GRM8: variants seen among roughly 807,000 people sequenced by gnomAD.
The protein encoded by GRM8 is metabotropic glutamate receptor 8.
In GRM8, 47 loss-of-function variants were observed where a neutral mutation model predicts 87.2. The ratio of observed to expected loss-of-function variants is 0.54; its 90% CI spans 0.43 to 0.69. The LOEUF is 0.69. GRM8 is among the 30% of genes least tolerant of loss of function. The probability of loss-of-function intolerance (pLI) is 0.00; values close to 1 mark genes in which losing one functional copy is unlikely to be tolerated. For missense variants in GRM8, 1,019 were observed against 1,139.2 expected, an observed-to-expected ratio of 0.89 and a Z score of 1.52; for synonymous variants, 396 against 404.5, an observed-to-expected ratio of 0.98 and a Z score of 0.25.
chr7:127,045,601 G>A lies in GRM8; in HGVS notation c.727+60895C>T, dbSNP rs373494415. On this transcript the variant is annotated intron_variant, in intron 3 of 10. Transcript: ENST00000339582. The stretch of plus-strand genomic sequence containing the variant: ...TCTTCAATTTATTTTTTTAAATGGT[G>A]TAGAGACTTAATTATATTTTCATCA... Among the ~76,000 whole-genome samples, 4 of 151,908 alleles carry A rather than the reference G, an allele frequency of 2.6e-5. 1 individual carries two copies. Among genetic ancestry groups the A allele is most frequent in the Admixed American group, 6.6e-5 (1 of 15,266 alleles).
chr7:126,584,366 A>T (rs1271286757), intron 8 of GRM8, among the ~76,000 whole-genome samples: 4 of 152,128 alleles, frequency 2.6e-5, no homozygotes, highest in Non-Finnish European at 4.4e-5. Flanking sequence ...CTAGAATTAC[A>T]GGCACACGCC....
chr7:126,688,609 G>A lies in GRM8; in HGVS notation c.1358-79111C>T, dbSNP rs190714004. On this transcript the variant is annotated intron_variant, in intron 7 of 10. Transcript: ENST00000339582. The stretch of plus-strand genomic sequence containing the variant: ...ATGAGAGTGAGTTTAGGAAGTTGCA[G>A]ATAGAAGGCAAAAAATACCAGAAGT... 1.3e-3 allele frequency among the ~76,000 whole-genome samples: 196 copies of A among 152,248 alleles called. 1 individual carries two copies. The highest frequency in any genetic ancestry group is 4.5e-3 in the African/African-American group (189 of 41,542).
chr7:127,159,023 C>G (rs938274229), intron 2 of GRM8, among the ~76,000 whole-genome samples: 3 of 152,142 alleles, frequency 2.0e-5, no homozygotes, highest in Non-Finnish European at 2.9e-5. Flanking sequence ...CAGGAGAAAG[C>G]CTGTATGGAA....
Position 126,817,301 on chromosome 7 carries a change from T to C in GRM8, c.1157-47236A>G, listed in dbSNP as rs540753950. ...GGTGAATATTCCTTATATCTTATAATTTCTTGCTATTTTAATATCTAAACA... is the reference window on the plus strand; with the variant it reads ...GGTGAATATTCCTTATATCTTATAACTTCTTGCTATTTTAATATCTAAACA... On this transcript the variant is annotated intron_variant, in intron 6 of 10. Transcript: ENST00000339582. 1.4e-4 allele frequency among the ~76,000 whole-genome samples: 22 copies of C among 152,276 alleles called. 1 individual carries two copies. The highest frequency in any genetic ancestry group is 6.8e-3 in the Middle Eastern group (2 of 294).
intron 6 of GRM8, among the ~76,000 whole-genome samples, chr7:126,885,059 A>G (rs1268197846): frequency 6.6e-6 from 1 of 152,200 alleles, no homozygotes; most frequent in African/African-American, 2.4e-5. Context: ...ATACCTCTGC[A>G]TCCAAAGCAG....
intron 9 of GRM8, among the ~76,000 whole-genome samples, chr7:126,460,129 A>G (rs1803726402): frequency 6.6e-6 from 1 of 151,596 alleles, no homozygotes; most frequent in Non-Finnish European, 1.5e-5. Context: ...GAAAATTCTC[A>G]GACATGACAT....
intron 3 of GRM8, among the ~76,000 whole-genome samples, chr7:127,011,601 GTT>G (rs1814905791): frequency 2.0e-5 from 3 of 152,080 alleles, no homozygotes; most frequent in Non-Finnish European, 4.4e-5. Context: ...AATAGTTGTA[GTT>G]TTTTAAAATA....
At chr7:127,073,371 C>A (rs1821925653) in intron 3 of GRM8, among the ~76,000 whole-genome samples, 1 of 152,114 alleles carries the variant, frequency 6.6e-6, no homozygotes, top group African/African-American at 2.4e-5. Context: ...ATCAGTGAAA[C>A]CCTGAAGATG....
chr7:126,774,541 C>G (rs1819206844), intron 6 of GRM8, among the ~76,000 whole-genome samples: 2 of 152,104 alleles, frequency 1.3e-5, no homozygotes, highest in South Asian at 4.1e-4. Context: ...GAGAGGAAGT[C>G]AGCCTCCTAA....
chr7:126,709,469 G>C (rs570441373), intron 7 of GRM8, among the ~76,000 whole-genome samples: 2 of 151,334 alleles, frequency 1.3e-5, no homozygotes, highest in African/African-American at 2.4e-5. Context: ...GGACGAAAAA[G>C]AGGAAGAGGA....
intron 7 of GRM8, among the ~76,000 whole-genome samples, chr7:126,690,314 A>G (rs2151367633): frequency 6.6e-6 from 1 of 152,330 alleles, no homozygotes; most frequent in African/African-American, 2.4e-5. Context: ...TGAGCAAGCA[A>G]GCGTGGGATC....
At chr7:127,103,255 T>C (rs1825492721) in intron 3 of GRM8, among the ~76,000 whole-genome samples, 1 of 152,152 alleles carries the variant, frequency 6.6e-6, no homozygotes, top group Admixed American at 6.5e-5. Context: ...TGGATATTTA[T>C]CCCCACCCAA....
intron 3 of GRM8, among the ~76,000 whole-genome samples, chr7:126,975,368 C>T (rs3808136): frequency 0.33 from 49,713 of 152,042 alleles, 8,135 homozygotes; most frequent in Non-Finnish European, 0.35. Context: ...GGAGACAAAA[C>T]ATGATTTACA....
intron 9 of GRM8, among the ~76,000 whole-genome samples, chr7:126,497,293 T>C (rs142407506): frequency 1.3e-5 from 2 of 152,112 alleles, no homozygotes; most frequent in African/African-American, 4.8e-5. Context: ...ATTAATTTTC[T>C]TAAAAGCCTT....
At chr7:126,819,275 T>TACACACACACACAC (rs3038867) in intron 6 of GRM8, among the ~76,000 whole-genome samples, 4,240 of 148,202 alleles carry the variant, frequency 0.029, 74 homozygotes, top group South Asian at 0.036. Flanking sequence ...CAGACACACA[T>TACACACACACACAC]ACACACACAC....
At chr7:127,245,062 C>T (rs1798513493) in intron 1 of GRM8, among the ~76,000 whole-genome samples, 1 of 152,190 alleles carries the variant, frequency 6.6e-6, no homozygotes, top group South Asian at 2.1e-4. Flanking sequence ...GCTGCTTTTC[C>T]CTCAGAAAAT....
intron 3 of GRM8, among the ~76,000 whole-genome samples, chr7:126,950,787 C>G (rs940892017): frequency 6.6e-6 from 1 of 152,018 alleles, no homozygotes; most frequent in African/African-American, 2.4e-5. Flanking sequence ...AAATAACTTA[C>G]CCAAATTCAC....
At chr7:126,825,086 G>A (rs747991282) in intron 6 of GRM8, among the ~76,000 whole-genome samples, 9 of 151,868 alleles carry the variant, frequency 5.9e-5, no homozygotes, top group Admixed American at 5.2e-4. Context: ...TGTTTTTTTC[G>A]AGACACAGTC....
intron 2 of GRM8, among the ~76,000 whole-genome samples, chr7:127,122,516 C>T (rs1324601575): frequency 6.6e-6 from 1 of 151,434 alleles, no homozygotes; most frequent in Non-Finnish European, 1.5e-5. Flanking sequence ...CTCTTAGGCA[C>T]GTCTGTCTTT....
Sources: allele counts gnomAD v4.1 joint callset (sites outside exome capture counted in the v4.1 genomes callset), GRCh38; gene constraint gnomAD v4.1.1; transcripts MANE v1.5; gene names NCBI Gene and HGNC (gene_info 2026-07-23, HGNC 2026-07-21).